The following PDE4B variants were observed in gnomAD, a reference collection of about 807,000 sequenced individuals.
The protein encoded by PDE4B is phosphodiesterase 4B.
A neutral mutation model predicts 82.2 loss-of-function variants in PDE4B; 20 were observed. That is an observed-to-expected ratio of 0.24 (90% confidence interval 0.17 to 0.35). PDE4B has a LOEUF of 0.35. PDE4B is among the 10% of genes least tolerant of loss of function. PDE4B has a pLI of 1.00. For missense variants in PDE4B, 655 were observed against 907.2 expected (o/e 0.72, Z 3.57); for synonymous variants, 320 against 318.9 (o/e 1.00, Z -0.04).
chr1:66,164,381 A>G lies in PDE4B; in HGVS notation c.282-83079A>G, dbSNP rs181263734. On this transcript the variant is annotated intron_variant, in intron 3 of 16. Transcript: ENST00000341517. The stretch of plus-strand genomic sequence containing the variant: ...GAAACCCCATCTCTACTAAAAATAC[A>G]AAAAAATAGCCCGGCGTGGTGGCAG... Among the ~76,000 whole-genome samples, 758 of 151,610 alleles carry G rather than the reference A, an allele frequency of 5.0e-3. 6 individuals carry two copies. The highest frequency in any genetic ancestry group is 0.032 in the South Asian group (155 of 4,778).
chr1:66,074,861 T>C (rs1464056016), intron 3 of PDE4B, among the ~76,000 whole-genome samples: 1 of 152,124 alleles, frequency 6.6e-6, no homozygotes. Context: ...GGATTCACCA[T>C]CTTTTGTGTA....
At chr1:65,880,903 C>T (rs1035567946) in intron 1 of PDE4B, among the ~76,000 whole-genome samples, 1 of 152,150 alleles carries the variant, frequency 6.6e-6, no homozygotes, top group Non-Finnish European at 1.5e-5. Flanking sequence ...CTTTCTCCTT[C>T]CTAGGCCACA....
At chr1:66,303,957 A>G (rs992967842) in intron 7 of PDE4B, among the ~76,000 whole-genome samples, 2 of 152,148 alleles carry the variant, frequency 1.3e-5, no homozygotes, top group Non-Finnish European at 2.9e-5. Flanking sequence ...AGGTTAGAAG[A>G]CACCATCACA....
At chr1:66,067,592 T>C (rs1655926182) in intron 3 of PDE4B, among the ~76,000 whole-genome samples, 1 of 152,102 alleles carries the variant, frequency 6.6e-6, no homozygotes, top group African/African-American at 2.4e-5. Context: ...ATATTAGCCG[T>C]TTGTCAGATG....
intron 3 of PDE4B, among the ~76,000 whole-genome samples, chr1:65,980,347 A>T (rs2100649922): frequency 6.6e-6 from 1 of 152,248 alleles, no homozygotes; most frequent in African/African-American, 2.4e-5. Flanking sequence ...AACAACTGAA[A>T]ATGTACAGAA....
In PDE4B at chr1:66,363,445, C is replaced by T. The variant is rs908633101; in HGVS notation, c.1158C>T (p.Asp386=). 5.6e-6 allele frequency: 9 copies of T among 1,613,092 alleles called. No individual in the cohort carries two copies. In the African/African-American group the frequency reaches 1.1e-4, roughly 19 times the overall value. ...DLLKTFRISS[D]TFITYMMTLE... Reference sequence around the variant, plus strand: ...TAAAGACATTCAGAATCTCATCTGACACATTTATAACCTACATGATGACTT... The same window carrying T: ...TAAAGACATTCAGAATCTCATCTGATACATTTATAACCTACATGATGACTT... Residue 386 remains aspartate (D), a synonymous_variant, in exon 12 of 17, where the codon GAC becomes GAT. Transcript: ENST00000341517.
chr1:66,111,076 A>G (rs1645476936), intron 3 of PDE4B, among the ~76,000 whole-genome samples: 1 of 152,130 alleles, frequency 6.6e-6, no homozygotes, highest in Admixed American at 6.6e-5. Context: ...AAGATTATCA[A>G]ATTATTTATA....
chr1:65,934,741 A>G (rs1039079886), intron 3 of PDE4B, among the ~76,000 whole-genome samples: 1 of 152,230 alleles, frequency 6.6e-6, no homozygotes, highest in African/African-American at 2.4e-5. Context: ...TATCAGACAA[A>G]ATATATGTAA....
intron 3 of PDE4B, among the ~76,000 whole-genome samples, chr1:66,013,086 C>T (rs1211078935): frequency 6.6e-6 from 1 of 152,136 alleles, no homozygotes; most frequent in African/African-American, 2.4e-5. Context: ...TGTGCTATGA[C>T]TGAATGTGTT....
At chr1:66,175,839 A>G (rs1281207840) in intron 3 of PDE4B, among the ~76,000 whole-genome samples, 7 of 152,356 alleles carry the variant, frequency 4.6e-5, no homozygotes, top group African/African-American at 1.7e-4. Context: ...TCTCTTTAGC[A>G]TGGAACTATG....
intron 3 of PDE4B, among the ~76,000 whole-genome samples, chr1:66,003,179 C>T (rs1651959057): frequency 6.6e-6 from 1 of 151,956 alleles, no homozygotes; most frequent in Admixed American, 6.6e-5. Flanking sequence ...TGTGACAATT[C>T]AGTATACTAA....
chr1:66,102,332 A>G (rs1008701069), intron 3 of PDE4B, among the ~76,000 whole-genome samples: 2 of 152,142 alleles, frequency 1.3e-5, no homozygotes, highest in Admixed American at 1.3e-4. Context: ...GTGTATACCT[A>G]AATATTCTTT....
chr1:66,235,190 C>T (rs6588192), intron 3 of PDE4B, among the ~76,000 whole-genome samples: 26,629 of 151,882 alleles, frequency 0.18, 4,472 homozygotes, highest in African/African-American at 0.43. Flanking sequence ...ATTTTGGTGA[C>T]GTTTCACGTG....
At position 66,355,576 on chromosome 1, in the gene PDE4B, GAT is replaced by G; in HGVS notation, c.798_799del (p.Ser267ArgfsTer6). 6.2e-7 allele frequency: 1 copy of G among 1,612,360 alleles called. No individual in the cohort carries two copies. Among genetic ancestry groups the G allele is most frequent in the Non-Finnish European group, 8.5e-7 (1 of 1,178,632 alleles). On this transcript the variant is annotated frameshift_variant, in exon 9 of 17. Transcript: ENST00000341517. LOFTEE classifies it high-confidence loss of function. ...CTGACACACCTCTCAGAGATGAGCC[GAT>G]CAGGGAACCAGGTGTCTGAATACAT...
chr1:66,111,777 T>G (rs1645490537), intron 3 of PDE4B, among the ~76,000 whole-genome samples: 1 of 152,146 alleles, frequency 6.6e-6, no homozygotes. Context: ...TATTTTGGCC[T>G]GATTTGTAGT....
chr1:65,936,452 A>G (rs1055075584), intron 3 of PDE4B, among the ~76,000 whole-genome samples: 1 of 152,222 alleles, frequency 6.6e-6, no homozygotes, highest in Non-Finnish European at 1.5e-5. Flanking sequence ...ACCATCATAC[A>G]TGTGGTCCAT....
chr1:66,020,587 T>C (rs185781968), intron 3 of PDE4B, among the ~76,000 whole-genome samples: 25 of 152,294 alleles, frequency 1.6e-4, no homozygotes, highest in African/African-American at 5.8e-4. Context: ...GTCCTTGTGA[T>C]AGTTTGCTGA....
chr1:66,039,624 A>G (rs373668673), intron 3 of PDE4B, among the ~76,000 whole-genome samples: 1 of 152,124 alleles, frequency 6.6e-6, no homozygotes, highest in East Asian at 1.9e-4. Flanking sequence ...ATATACATAT[A>G]TGTACCCTGA....
intron 3 of PDE4B, among the ~76,000 whole-genome samples, chr1:66,201,977 G>A (rs1408922331): frequency 6.6e-6 from 1 of 152,008 alleles, no homozygotes; most frequent in Non-Finnish European, 1.5e-5. Context: ...TTCTCTTGTG[G>A]GCATTTAGTG....
Sources: allele counts gnomAD v4.1 joint callset (sites outside exome capture counted in the v4.1 genomes callset), GRCh38; gene constraint gnomAD v4.1.1; transcripts MANE v1.5; gene names NCBI Gene and HGNC (gene_info 2026-07-23, HGNC 2026-07-21).